The following CCSER1 variants were observed in gnomAD, a reference collection of about 807,000 sequenced individuals.
CCSER1 encodes the protein serine-rich coiled-coil domain-containing protein 1.
Under a neutral mutation model 82.0 loss-of-function variants are expected in CCSER1, and 41 were observed. That is an observed-to-expected ratio of 0.50 (90% confidence interval 0.39 to 0.65). The LOEUF (loss-of-function observed/expected upper bound fraction) is 0.65, where lower values mean the gene tolerates loss of function less well. Ranked by LOEUF, CCSER1 falls within the 30% of genes least tolerant of loss-of-function variation. CCSER1 has a pLI of 0.00. For synonymous variants in CCSER1, 414 were observed against 383.9 expected (o/e 1.08, Z -0.92); for missense variants, 1,119 against 1,064.2 (o/e 1.05, Z -0.72).
At chr4:91,019,438 G>GT (rs1385250265) in intron 9 of CCSER1, among the ~76,000 whole-genome samples, 1 of 151,880 alleles carries the variant, frequency 6.6e-6, no homozygotes, top group East Asian at 1.9e-4. Context: ...TACTGCTTGA[G>GT]TTTTTTATTA....
intron 5 of CCSER1, among the ~76,000 whole-genome samples, chr4:90,483,482 A>G (rs557451904): frequency 9.9e-5 from 15 of 152,228 alleles, no homozygotes; most frequent in Middle Eastern, 6.8e-3. Context: ...GGTCTTTACA[A>G]TTTAGCATGT....
intron 10 of CCSER1, among the ~76,000 whole-genome samples, chr4:91,418,506 AC>A (rs1159568138): frequency 6.6e-6 from 1 of 151,776 alleles, no homozygotes; most frequent in Non-Finnish European, 1.5e-5. Context: ...GAAACATGAA[AC>A]CTGCCGAGAC....
intron 5 of CCSER1, among the ~76,000 whole-genome samples, chr4:90,472,769 C>A (rs1764565493): frequency 6.6e-6 from 1 of 152,022 alleles, no homozygotes. Context: ...ATGCTGGGGT[C>A]AAAGCTTTGA....
intron 10 of CCSER1, among the ~76,000 whole-genome samples, chr4:91,177,432 G>A (rs969163080): frequency 4.6e-5 from 7 of 152,176 alleles, no homozygotes; most frequent in African/African-American, 1.7e-4. Context: ...GAATTTGGCT[G>A]TGAATCCATC....
intron 1 of CCSER1, among the ~76,000 whole-genome samples, chr4:90,258,677 A>G (rs1254133992): frequency 1.3e-5 from 2 of 152,184 alleles, no homozygotes; most frequent in African/African-American, 4.8e-5. Flanking sequence ...TCAATACACT[A>G]TACAATTAAT....
intron 10 of CCSER1, among the ~76,000 whole-genome samples, chr4:91,538,132 A>C (rs779003874): frequency 6.6e-6 from 1 of 152,090 alleles, no homozygotes; most frequent in African/African-American, 2.4e-5. Flanking sequence ...TAAATGTTTA[A>C]ATTTTCTTGT....
chr4:91,243,556 TTA>T (rs766080086), intron 10 of CCSER1, among the ~76,000 whole-genome samples: 11 of 152,148 alleles, frequency 7.2e-5, no homozygotes, highest in Non-Finnish European at 1.6e-4. Flanking sequence ...GGACTTTGTC[TTA>T]TGTGTTAGAT....
At chr4:91,013,801 T>C (rs1739206586) in intron 9 of CCSER1, among the ~76,000 whole-genome samples, 1 of 128,062 alleles carries the variant, frequency 7.8e-6, no homozygotes, top group South Asian at 2.6e-4. Context: ...TTTTGTATTT[T>C]TAGTAGAGAT....
intron 10 of CCSER1, among the ~76,000 whole-genome samples, chr4:91,471,104 A>T (rs1278874478): frequency 6.6e-6 from 1 of 152,090 alleles, no homozygotes; most frequent in Non-Finnish European, 1.5e-5. Context: ...GGCTAATCGT[A>T]TCTTTATTTT....
intron 10 of CCSER1, among the ~76,000 whole-genome samples, chr4:91,392,363 G>GCACACACGCGCACACA (rs58770768): frequency 2.9e-4 from 43 of 148,214 alleles, no homozygotes; most frequent in East Asian, 8.0e-4. Flanking sequence ...ACCTACACAT[G>GCACACACGCGCACACA]CACACACACA....
At chr4:91,438,147 G>A (rs148803640) in intron 10 of CCSER1, among the ~76,000 whole-genome samples, 2,048 of 152,328 alleles carry the variant, frequency 0.013, 50 homozygotes, top group African/African-American at 0.046. Flanking sequence ...CCAGCACACA[G>A]CCGGAGATCT....
chr4:91,202,786 T>G (rs1736028813), intron 10 of CCSER1, among the ~76,000 whole-genome samples: 1 of 152,142 alleles, frequency 6.6e-6, no homozygotes, highest in African/African-American at 2.4e-5. Flanking sequence ...TGTGCATATA[T>G]ATGTGTGTGT....
At chr4:91,379,313 T>G (rs1033996409) in intron 10 of CCSER1, among the ~76,000 whole-genome samples, 1 of 152,178 alleles carries the variant, frequency 6.6e-6, no homozygotes, top group African/African-American at 2.4e-5. Flanking sequence ...TTGGAATAGT[T>G]TCAGAAGGAA....
chr4:91,552,013 G>A (rs1270057583), intron 10 of CCSER1, among the ~76,000 whole-genome samples: 1 of 151,658 alleles, frequency 6.6e-6, no homozygotes, highest in East Asian at 1.9e-4. Flanking sequence ...TTCTGATATT[G>A]AAATCAAAAT....
chr4:90,608,940 T>A (rs761700467), intron 5 of CCSER1, among the ~76,000 whole-genome samples: 1 of 152,108 alleles, frequency 6.6e-6, no homozygotes, highest in Non-Finnish European at 1.5e-5. Flanking sequence ...CTTCACCTTA[T>A]GATTTTGTTG....
At chr4:90,375,673 T>G (rs1392191751) in intron 3 of CCSER1, among the ~76,000 whole-genome samples, 1 of 152,198 alleles carries the variant, frequency 6.6e-6, no homozygotes, top group Non-Finnish European at 1.5e-5. Flanking sequence ...GTGAGAAATC[T>G]GTTGGATGCA....
At chr4:91,106,011 C>T (rs924229820) in intron 10 of CCSER1, among the ~76,000 whole-genome samples, 27 of 152,066 alleles carry the variant, frequency 1.8e-4, no homozygotes, top group African/African-American at 6.3e-4. Flanking sequence ...GTATTATTAT[C>T]TGATAATCAA....
intron 10 of CCSER1, among the ~76,000 whole-genome samples, chr4:91,502,436 G>A (rs552262190): frequency 1.9e-4 from 29 of 152,050 alleles, no homozygotes; most frequent in Non-Finnish European, 8.8e-5. Flanking sequence ...ACATATTCTT[G>A]GCATATAATA....
At chr4:91,373,008 A>T (rs1750147133) in intron 10 of CCSER1, among the ~76,000 whole-genome samples, 1 of 152,146 alleles carries the variant, frequency 6.6e-6, no homozygotes, top group African/African-American at 2.4e-5. Context: ...TTCAAGCTTG[A>T]AAAAAACAAT....
Sources: gnomAD v4.1 joint callset for allele counts (sites outside exome capture counted in the v4.1 genomes callset) on GRCh38, gnomAD v4.1.1 for gene constraint, MANE v1.5 for transcripts, NCBI Gene and HGNC (gene_info 2026-07-23, HGNC 2026-07-21) for gene names.